The following SUPT3H variants were observed in gnomAD, a reference collection of about 807,000 sequenced individuals.
The protein encoded by SUPT3H is transcription initiation protein SPT3 homolog.
Under a neutral mutation model 44.3 loss-of-function variants are expected in SUPT3H, and 44 were observed. That is an observed-to-expected ratio of 0.99 (90% confidence interval 0.78 to 1.28). The LOEUF (loss-of-function observed/expected upper bound fraction) is 1.28. SUPT3H is among the 50% of genes most tolerant of loss of function. SUPT3H has a pLI of 0.00. For missense variants in SUPT3H, 380 were observed against 387.1 expected, an observed-to-expected ratio of 0.98 and a Z score of 0.15; for synonymous variants, 124 against 125.6, an observed-to-expected ratio of 0.99 and a Z score of 0.09.
At chr6:44,982,203 T>C (rs1448089242) in intron 6 of SUPT3H, among the ~76,000 whole-genome samples, 3 of 149,524 alleles carry the variant, frequency 2.0e-5, no homozygotes, top group African/African-American at 7.3e-5. Context: ...TGTTTGTTTG[T>C]TTGAGACAGT....
At chr6:44,848,734 A>G (rs1275970906) in intron 10 of SUPT3H, among the ~76,000 whole-genome samples, 2 of 152,214 alleles carry the variant, frequency 1.3e-5, no homozygotes, top group African/African-American at 2.4e-5. Context: ...CCTAACTGTA[A>G]TTCTGGAAAG....
At chr6:44,883,194 G>A (rs1054108712) in intron 10 of SUPT3H, among the ~76,000 whole-genome samples, 1 of 152,144 alleles carries the variant, frequency 6.6e-6, no homozygotes, top group Non-Finnish European at 1.5e-5. Flanking sequence ...AAAGTCTCAG[G>A]ATGCAAAATC....
chr6:45,294,386 A>T (rs1780780121), intron 2 of SUPT3H, among the ~76,000 whole-genome samples: 1 of 152,164 alleles, frequency 6.6e-6, no homozygotes, highest in Non-Finnish European at 1.5e-5. Context: ...CTGAATGGGG[A>T]AAAGTTGAAA....
chr6:45,228,812 G>A (rs1767412715), intron 2 of SUPT3H, among the ~76,000 whole-genome samples: 1 of 152,016 alleles, frequency 6.6e-6, no homozygotes, highest in African/African-American at 2.4e-5. Flanking sequence ...GCTAATTTTT[G>A]TATTTTTAGT....
chr6:45,159,056 C>G (rs762332559), intron 2 of SUPT3H: 8 of 152,086 alleles, frequency 5.3e-5, no homozygotes, highest in Non-Finnish European at 1.0e-4. Flanking sequence ...GAATCCAGTC[C>G]CTACATTCCC....
intron 2 of SUPT3H, among the ~76,000 whole-genome samples, chr6:45,110,634 C>T (rs1440859799): frequency 6.6e-6 from 1 of 152,048 alleles, no homozygotes; most frequent in Non-Finnish European, 1.5e-5. Flanking sequence ...GTTGAATCCA[C>T]ATGTGACATC....
intron 2 of SUPT3H, among the ~76,000 whole-genome samples, chr6:45,138,490 G>C (rs1419086517): frequency 1.3e-5 from 2 of 152,038 alleles, no homozygotes; most frequent in Non-Finnish European, 2.9e-5. Context: ...AAAAAAATAT[G>C]GCACGTCCAT....
intron 9 of SUPT3H, among the ~76,000 whole-genome samples, chr6:44,937,707 T>C (rs1348482348): frequency 6.6e-6 from 1 of 152,122 alleles, no homozygotes; most frequent in African/African-American, 2.4e-5. Context: ...ATATGCCTGT[T>C]GGCCATCGGT....
At chr6:45,322,497 T>C (rs901884155) in intron 2 of SUPT3H, among the ~76,000 whole-genome samples, 3 of 151,852 alleles carry the variant, frequency 2.0e-5, no homozygotes, top group East Asian at 1.9e-4. Context: ...TTCTGAGAAA[T>C]TGAGATTTCC....
chr6:45,363,427 G>A (rs1367144240), intron 2 of SUPT3H, among the ~76,000 whole-genome samples: 1 of 152,032 alleles, frequency 6.6e-6, no homozygotes, highest in Non-Finnish European at 1.5e-5. Flanking sequence ...GGTTAAATAA[G>A]ACTGGAAAAA....
intron 2 of SUPT3H, among the ~76,000 whole-genome samples, chr6:45,126,324 C>T (rs1209714926): frequency 6.6e-6 from 1 of 152,130 alleles, no homozygotes; most frequent in Non-Finnish European, 1.5e-5. Flanking sequence ...ATTTTTAAAA[C>T]CCAAAAACAT....
At chr6:44,941,423 C>G (rs1772412272) in intron 9 of SUPT3H, among the ~76,000 whole-genome samples, 1 of 6,136 alleles carries the variant, frequency 1.6e-4, no homozygotes, top group African/African-American at 2.0e-3. Context: ...TTTTGGCTGA[C>G]AGTTTTTTTC....
chr6:45,217,424 G>A (rs1042279172), intron 2 of SUPT3H, among the ~76,000 whole-genome samples: 2 of 150,330 alleles, frequency 1.3e-5, no homozygotes, highest in Non-Finnish European at 3.0e-5. Flanking sequence ...GCAGTGAGCC[G>A]ACATCACGCA....
chr6:45,162,946 TC>T (rs1400704256), intron 2 of SUPT3H, among the ~76,000 whole-genome samples: 1 of 152,190 alleles, frequency 6.6e-6, no homozygotes, highest in African/African-American at 2.4e-5. Flanking sequence ...ACTGTCTGCA[TC>T]CCTGGAGATC....
intron 2 of SUPT3H, among the ~76,000 whole-genome samples, chr6:45,284,460 A>G (rs1034382510): frequency 1.3e-5 from 2 of 152,228 alleles, no homozygotes; most frequent in African/African-American, 4.8e-5. Flanking sequence ...AGAATACTAT[A>G]AACACCTCTA....
At chr6:44,953,888 A>G (rs910849270) in intron 8 of SUPT3H, among the ~76,000 whole-genome samples, 1 of 152,090 alleles carries the variant, frequency 6.6e-6, no homozygotes, top group African/African-American at 2.4e-5. Flanking sequence ...GCCCGCCACC[A>G]TGCCCGGCTA....
At chr6:44,830,387 G>C (rs536953189) in intron 10 of SUPT3H, among the ~76,000 whole-genome samples, 7 of 152,250 alleles carry the variant, frequency 4.6e-5, no homozygotes, top group Admixed American at 2.6e-4. Flanking sequence ...ATTGTAGACA[G>C]TATCAAAAAT....
downstream of SUPT3H, among the ~76,000 whole-genome samples, chr6:44,824,743 C>A (rs984173449): frequency 6.6e-6 from 1 of 152,154 alleles, no homozygotes; most frequent in African/African-American, 2.4e-5. Flanking sequence ...GACTCTCTCT[C>A]TCTGTAAAAC....
rs1317324340 is a variant in SUPT3H, at chr6:45,000,402, A to G, written c.504+3251T>C. ...GGAATGGTAGAAAGACTTCAAAAAC[A>G]GGAGATGGACAACTTCTACAGGCAT... On this transcript the variant is annotated intron_variant, in intron 6 of 10. Coordinates refer to ENST00000371459, the MANE Select transcript of SUPT3H (RefSeq NM_003599.4). 3.9e-5 allele frequency among the ~76,000 whole-genome samples: 6 copies of G among 152,044 alleles called. No individual in the cohort carries two copies. In the Admixed American group the frequency reaches 3.9e-4, roughly 10 times the overall value.
Sources: gnomAD v4.1 joint callset for allele counts (sites outside exome capture counted in the v4.1 genomes callset) on GRCh38, gnomAD v4.1.1 for gene constraint, MANE v1.5 for transcripts, NCBI Gene and HGNC (gene_info 2026-07-23, HGNC 2026-07-21) for gene names.